The following RPS6KA2 variants were observed in gnomAD, a reference collection of about 807,000 sequenced individuals.
RPS6KA2 encodes the protein ribosomal protein S6 kinase alpha-2.
Under a neutral mutation model 91.8 loss-of-function variants are expected in RPS6KA2, and 42 were observed. The observed-to-expected ratio is 0.46, with a 90% confidence interval of 0.36 to 0.59. The LOEUF is 0.59. RPS6KA2 is among the 20% of genes least tolerant of loss of function. The probability of loss-of-function intolerance (pLI) is 0.00; values close to 1 mark genes in which losing one functional copy is unlikely to be tolerated. For missense variants in RPS6KA2, 798 were observed against 978.5 expected (o/e 0.82, Z 2.46); for synonymous variants, 414 against 393.6 (o/e 1.05, Z -0.61).
At position 166,789,643 on chromosome 6, in the gene RPS6KA2, C is replaced by T. The variant is rs530576076; in HGVS notation, c.123+68557G>A. Among the ~76,000 whole-genome samples the T allele has an allele frequency of 1.8e-4, 28 of 152,302 alleles. No individual in the cohort carries two copies. In the South Asian group the frequency reaches 3.5e-3, roughly 19 times the overall value. ...GGGGCAGACTGACACCTCACACGGC[C>T]GGGTACTCCTCTGAGACAAAACTTC... On this transcript the variant is annotated intron_variant, in intron 2 of 21. Coordinates refer to the RPS6KA2 transcript ENST00000503859.
intron 3 of RPS6KA2, among the ~76,000 whole-genome samples, chr6:166,530,255 C>A (rs566986129): frequency 4.6e-5 from 7 of 152,324 alleles, no homozygotes; most frequent in African/African-American, 7.2e-5. Flanking sequence ...AGTGTGCCCC[C>A]CTCCCAGAGA....
intron 2 of RPS6KA2, among the ~76,000 whole-genome samples, chr6:166,816,958 C>G (rs903699399): frequency 3.3e-5 from 5 of 152,170 alleles, no homozygotes; most frequent in Admixed American, 3.3e-4. Context: ...CACTCCGAGT[C>G]CACGCCCCAA....
chr6:166,575,609 T>A (rs1272286266), intron 1 of RPS6KA2, among the ~76,000 whole-genome samples: 1 of 152,168 alleles, frequency 6.6e-6, no homozygotes, highest in Non-Finnish European at 1.5e-5. Flanking sequence ...AGTATAATGA[T>A]TTTTCTTTCC....
Position 166,508,073 on chromosome 6 carries a change from A to G in RPS6KA2, c.459+130T>C. ...CACTCTTGCACACACTCACACATGC[A>G]CACACCCCCACACACACACACGCAC... On this transcript the variant is annotated intron_variant, in intron 5 of 20. Coordinates refer to ENST00000265678, the MANE Select transcript of RPS6KA2 (RefSeq NM_021135.6). This position sits in a 1 kb window ranked among gnomAD's most constrained non-coding sequence, Gnocchi z 4.3. 3 of 622,378 alleles carry G rather than the reference A, an allele frequency of 4.8e-6. No individual in the cohort carries two copies. The highest frequency in any genetic ancestry group is 8.7e-6 in the Non-Finnish European group (3 of 343,672). 38.6% of individuals were successfully genotyped at this position (622,378 alleles called of 1,614,324 possible).
At chr6:166,731,779 G>A (rs1790526820) in intron 2 of RPS6KA2, among the ~76,000 whole-genome samples, 1 of 152,030 alleles carries the variant, frequency 6.6e-6, no homozygotes, top group African/African-American at 2.4e-5. Flanking sequence ...GAATTTGCAC[G>A]GACTGAAGCT....
chr6:166,439,254 C>T (rs188021232), intron 14 of RPS6KA2, among the ~76,000 whole-genome samples: 1,797 of 152,212 alleles, frequency 0.012, 43 homozygotes, highest in African/African-American at 0.041. Flanking sequence ...ATTACAGGCA[C>T]GCGCCACCAT....
intron 11 of RPS6KA2, among the ~76,000 whole-genome samples, chr6:166,468,629 C>G (rs1365809742): frequency 1.3e-5 from 2 of 151,620 alleles, no homozygotes; most frequent in Admixed American, 1.3e-4. Context: ...TTTGGGAGGC[C>G]AAGGTGGGTG....
intron 16 of RPS6KA2, among the ~76,000 whole-genome samples, chr6:166,424,494 C>G (rs760714537): frequency 3.3e-5 from 5 of 152,202 alleles, no homozygotes; most frequent in African/African-American, 7.2e-5. Context: ...GAAGAGATGG[C>G]GCACAGAGGA....
chr6:166,555,026 T>C (rs1223772472), intron 1 of RPS6KA2, among the ~76,000 whole-genome samples: 10 of 152,252 alleles, frequency 6.6e-5, no homozygotes, highest in African/African-American at 2.4e-4. Flanking sequence ...TAAAAATTGA[T>C]GATTTCTCTA....
chr6:166,778,341 C>T (rs536968710), intron 2 of RPS6KA2, among the ~76,000 whole-genome samples: 3 of 152,284 alleles, frequency 2.0e-5, no homozygotes, highest in South Asian at 2.1e-4. Flanking sequence ...ATTCAAGATG[C>T]GTTAAAGGCC....
intron 2 of RPS6KA2, among the ~76,000 whole-genome samples, chr6:166,754,971 G>C (rs1249904349): frequency 6.6e-6 from 1 of 152,198 alleles, no homozygotes; most frequent in African/African-American, 2.4e-5. Flanking sequence ...GTGCAATGAA[G>C]GGGTTGGGCT....
intron 1 of RPS6KA2, among the ~76,000 whole-genome samples, chr6:166,859,302 A>C (rs1324267973): frequency 1.3e-5 from 2 of 152,222 alleles, no homozygotes; most frequent in Non-Finnish European, 2.9e-5. Context: ...AAAATGGGTC[A>C]GCCAGACCTT....
At chr6:166,417,626 C>CACACACACACAA (rs1778581830) in intron 19 of RPS6KA2, among the ~76,000 whole-genome samples, 2 of 149,468 alleles carry the variant, frequency 1.3e-5, no homozygotes, top group Admixed American at 1.3e-4. Context: ...TCTATACACA[C>CACACACACACAA]ACACACACAC....
intron 1 of RPS6KA2, among the ~76,000 whole-genome samples, chr6:166,567,578 G>C (rs565881904): frequency 9.8e-5 from 15 of 152,330 alleles, no homozygotes; most frequent in African/African-American, 3.4e-4. Context: ...TAAGAAAAAT[G>C]TTTGCCCAGG....
intron 1 of RPS6KA2, among the ~76,000 whole-genome samples, chr6:166,574,340 C>G (rs1269663143): frequency 6.6e-6 from 1 of 152,102 alleles, no homozygotes; most frequent in Non-Finnish European, 1.5e-5. Flanking sequence ...CAGCCCCCAG[C>G]GTCTGTTGTT....
chr6:166,727,516 T>C (rs950980829), intron 2 of RPS6KA2, among the ~76,000 whole-genome samples: 3 of 151,846 alleles, frequency 2.0e-5, no homozygotes, highest in Non-Finnish European at 4.4e-5. Context: ...ACCGGCACTG[T>C]AATGTGCCAG....
At chr6:166,547,258 A>C (rs1312285739) in intron 1 of RPS6KA2, among the ~76,000 whole-genome samples, 1 of 152,172 alleles carries the variant, frequency 6.6e-6, no homozygotes, top group Non-Finnish European at 1.5e-5. Context: ...ACAATGCTGC[A>C]ACACCACCGA....
chr6:166,831,543 T>C (rs1780182747), intron 2 of RPS6KA2, among the ~76,000 whole-genome samples: 1 of 151,958 alleles, frequency 6.6e-6, no homozygotes, highest in African/African-American at 2.4e-5. Context: ...AGGCTCCTTC[T>C]TCCCACAGAG....
chr6:166,480,522 T>TATATATAATATATA (rs1781175775), intron 10 of RPS6KA2, among the ~76,000 whole-genome samples: 21 of 121,344 alleles, frequency 1.7e-4, no homozygotes, highest in African/African-American at 7.3e-4. Flanking sequence ...TATAATATAT[T>TATATATAATATATA]TTTTTTTTTT....
Sources: allele counts gnomAD v4.1 joint callset (sites outside exome capture counted in the v4.1 genomes callset), GRCh38; gene constraint gnomAD v4.1.1; non-coding constraint Gnocchi (gnomAD v3.1); transcripts MANE v1.5; gene names NCBI Gene and HGNC (gene_info 2026-07-23, HGNC 2026-07-21).